WNK1: variants seen among roughly 807,000 people sequenced by gnomAD.
WNK1 encodes the protein WNK lysine deficient protein kinase 1.
In WNK1, 38 loss-of-function variants were observed where a neutral mutation model predicts 222.8. The ratio of observed to expected loss-of-function variants is 0.17; its 90% CI spans 0.13 to 0.22. The LOEUF (loss-of-function observed/expected upper bound fraction) is 0.22. WNK1 is among the 10% of genes least tolerant of loss of function. WNK1 has a pLI of 1.00. For synonymous variants in WNK1, 1,090 were observed against 1,092.9 expected (o/e 1.00, Z 0.05); for missense variants, 2,348 against 2,918.4 (o/e 0.80, Z 4.50).
At chr12:816,580 G>A (rs968053469) in intron 2 of WNK1, among the ~76,000 whole-genome samples, 1 of 152,038 alleles carries the variant, frequency 6.6e-6, no homozygotes, top group Non-Finnish European at 1.5e-5. Context: ...GAGCCACGGT[G>A]CCCAGCCTGT....
In WNK1 at chr12:753,706, G is replaced by C. The variant is rs765622216; in HGVS notation, c.141G>C (p.Val47=). The C allele has an allele frequency of 1.2e-5, 19 of 1,611,934 alleles. No homozygotes were observed. Among genetic ancestry groups the C allele is most frequent in the Non-Finnish European group, 1.6e-5 (19 of 1,179,784 alleles). The part of the protein sequence containing the change: ...EKLGAAAADA[V]TGRTEEYRRR... ...TGGGAGCCGCGGCCGCCGACGCTGT[G>C]ACCGGCAGGACCGAGGAGTACAGGC... Residue 47 remains valine (V), a synonymous_variant, in exon 1 of 28, where the codon GTG becomes GTC. Transcript: ENST00000315939. This position sits in a 1 kb window ranked among gnomAD's most constrained non-coding sequence, Gnocchi z 5.2.
chr12:882,923 T>C lies in WNK1; in HGVS notation c.3373-20T>C. On this transcript the variant is annotated intron_variant, in intron 14 of 27. Transcript: ENST00000315939. The stretch of plus-strand genomic sequence containing the variant: ...AGCTGAATATGGTCTTTGGAGATGA[T>C]GTACCTTTTTTCTTTTTAGGTTTCA... The C allele has an allele frequency of 6.9e-7, 1 of 1,445,518 alleles. No individual in the cohort carries two copies. The highest frequency in any genetic ancestry group is 9.7e-7 in the Non-Finnish European group (1 of 1,026,588). The allele number at this position is 1,445,518 out of a possible 1,614,324, so 89.5% of individuals were successfully genotyped here.
At chr12:876,423 C>T (rs1952621299) in intron 9 of WNK1, among the ~76,000 whole-genome samples, 1 of 152,068 alleles carries the variant, frequency 6.6e-6, no homozygotes, top group Admixed American at 6.6e-5. Context: ...AAAAAGAATA[C>T]ATTATCAGAA....
chr12:890,931 C>G (rs1215735022), intron 22 of WNK1, among the ~76,000 whole-genome samples: 2 of 152,028 alleles, frequency 1.3e-5, no homozygotes, highest in Non-Finnish European at 2.9e-5. Context: ...TTTTTATTTT[C>G]AAGGCAATTA....
chr12:801,207 A>T (rs1373783906), intron 1 of WNK1, among the ~76,000 whole-genome samples: 1 of 152,196 alleles, frequency 6.6e-6, no homozygotes, highest in Non-Finnish European at 1.5e-5. Flanking sequence ...TTATACTGTC[A>T]TTCTGAATTG....
chr12:820,296 C>T (rs1242510217), intron 2 of WNK1, among the ~76,000 whole-genome samples: 2 of 151,914 alleles, frequency 1.3e-5, no homozygotes, highest in African/African-American at 2.4e-5. Flanking sequence ...AAATTTATTC[C>T]TAGATCCTTT....
chr12:900,813 G>C (rs778413031), intron 26 of WNK1, 143 bp downstream of exon 26: 149 of 1,014,394 alleles, frequency 1.5e-4, no homozygotes, highest in Non-Finnish European at 2.2e-4. Context: ...TGGGTGAAAA[G>C]GGAAGTGGAG....
chr12:787,717 C>T (rs1446337320), intron 1 of WNK1, among the ~76,000 whole-genome samples: 1 of 152,112 alleles, frequency 6.6e-6, no homozygotes, highest in Non-Finnish European at 1.5e-5. Flanking sequence ...GACCATCTGT[C>T]TTCTGCTGGG....
intron 7 of WNK1, 30 bp from the exon 8 acceptor site, chr12:862,053 C>CTT (rs767463452): frequency 6.2e-7 from 1 of 1,608,614 alleles, no homozygotes; most frequent in East Asian, 2.2e-5. Flanking sequence ...TTCTCTCTCT[C>CTT]TTTTTTTTGG....
chr12:772,296 G>T (rs2153951701), intron 1 of WNK1, among the ~76,000 whole-genome samples: 1 of 152,248 alleles, frequency 6.6e-6, no homozygotes, highest in East Asian at 1.9e-4. Context: ...TTGTATGGTT[G>T]TACAGTTTGC....
In WNK1 at chr12:896,104, G is replaced by A. The variant is rs1179634162; in HGVS notation, c.5617G>A (p.Gly1873Ser). 5 of 1,614,148 alleles carry A rather than the reference G, an allele frequency of 3.1e-6. No homozygotes were observed. The highest frequency in any genetic ancestry group is 1.1e-5 in the South Asian group (1 of 91,080). Residue 1873 changes from glycine to serine, a missense_variant, in exon 24 of 28, where the codon GGT (glycine) becomes AGT (serine). This residue lies in a region of WNK1 where 1,144 missense variants were observed against 1,273.6 expected (regional missense o/e 0.90). Transcript: ENST00000315939. ...SVAADGAQKE[G>S]KNKSEDAKSV... is the part of the protein sequence containing the mutation. Reference sequence around the variant, plus strand: ...TGCAGCAGACGGTGCCCAGAAAGAGGGTAAAAATAAGTCAGAAGATGCAAA... The same window carrying A: ...TGCAGCAGACGGTGCCCAGAAAGAGAGTAAAAATAAGTCAGAAGATGCAAA...
At chr12:754,725 T>G (rs1055389104) in intron 1 of WNK1, among the ~76,000 whole-genome samples, 1 of 152,188 alleles carries the variant, frequency 6.6e-6, no homozygotes, top group African/African-American at 2.4e-5. Flanking sequence ...GTGTTTTCAT[T>G]CCTGAGATCA....
intron 1 of WNK1, among the ~76,000 whole-genome samples, chr12:808,115 C>T (rs1946552149): frequency 1.3e-5 from 2 of 149,222 alleles, no homozygotes; most frequent in Admixed American, 6.7e-5. Context: ...AGACCTCCTG[C>T]AAGACCTCAC....
chr12:845,891 T>C (rs1262325832), intron 4 of WNK1, among the ~76,000 whole-genome samples: 1 of 152,214 alleles, frequency 6.6e-6, no homozygotes, highest in East Asian at 1.9e-4. Context: ...ATCTTGTCGA[T>C]CACCTTGCAA....
intron 1 of WNK1, among the ~76,000 whole-genome samples, chr12:806,775 A>G (rs1178595101): frequency 6.6e-6 from 1 of 152,218 alleles, no homozygotes; most frequent in African/African-American, 2.4e-5. Flanking sequence ...TTTGCTCATA[A>G]AATGTCGTAG....
chr12:856,095 C>G (rs574963445), intron 4 of WNK1, among the ~76,000 whole-genome samples: 1 of 151,918 alleles, frequency 6.6e-6, no homozygotes, highest in Admixed American at 6.5e-5. Flanking sequence ...ACCTCAGCCT[C>G]CCCAAAGTGC....
At chr12:869,928 T>C (rs1952000625) in intron 8 of WNK1, among the ~76,000 whole-genome samples, 1 of 152,104 alleles carries the variant, frequency 6.6e-6, no homozygotes, top group African/African-American at 2.4e-5. Context: ...TGTATGAGCA[T>C]ATACACACTT....
At chr12:823,412 A>T (rs575160701) in intron 2 of WNK1, among the ~76,000 whole-genome samples, 1 of 152,084 alleles carries the variant, frequency 6.6e-6, no homozygotes, top group African/African-American at 2.4e-5. Context: ...CATTGTGTAT[A>T]TTTTGCTCAA....
intron 3 of WNK1, among the ~76,000 whole-genome samples, chr12:828,230 C>T (rs1000442173): frequency 3.3e-5 from 5 of 151,862 alleles, no homozygotes; most frequent in Non-Finnish European, 5.9e-5. Flanking sequence ...CACTTGAACC[C>T]GGGAGGTGGA....
Sources: gnomAD v4.1 joint callset for allele counts (sites outside exome capture counted in the v4.1 genomes callset) on GRCh38, gnomAD v4.1.1 for gene constraint, gnomAD v4.1.1 regional missense constraint, Gnocchi (gnomAD v3.1) non-coding constraint, MANE v1.5 for transcripts, NCBI Gene and HGNC (gene_info 2026-07-23, HGNC 2026-07-21) for gene names.